AKAP19: variants seen among roughly 807,000 people sequenced by gnomAD.
AKAP19 encodes the protein small A-kinase anchoring protein.
the AKAP19 span, chr2:190,057,304 T>A: frequency 1.2e-6 from 2 of 1,613,334 alleles, no homozygotes; most frequent in African/African-American, 2.7e-5. Context: ...AATTTTCCCA[T>A]ATATTATTTG....
the AKAP19 span, among the ~76,000 whole-genome samples, chr2:190,012,909 AT>A: frequency 1.3e-5 from 2 of 152,290 alleles, 1 homozygote; most frequent in South Asian, 4.2e-4. Context: ...GATGTGTTAC[AT>A]TTGTAGATTT....
the AKAP19 span, among the ~76,000 whole-genome samples, chr2:189,949,609 A>C: frequency 1.3e-5 from 2 of 149,144 alleles, no homozygotes; most frequent in African/African-American, 4.9e-5. Flanking sequence ...TAAACCCAAT[A>C]GTTGTTACCT....
the AKAP19 span, among the ~76,000 whole-genome samples, chr2:189,933,528 T>C: frequency 6.6e-6 from 1 of 152,172 alleles, no homozygotes; most frequent in African/African-American, 2.4e-5. Context: ...TATCAAAGCC[T>C]TTCCAAATTG....
chr2:189,930,514 T>TA, the AKAP19 span: 1 of 208,676 alleles, frequency 4.8e-6, no homozygotes, highest in African/African-American at 2.4e-5. Context: ...CCGTCTCTAC[T>TA]AAAAATACAA....
chr2:190,180,457 A>C, the AKAP19 span: 4 of 985,406 alleles, frequency 4.1e-6, no homozygotes, highest in African/African-American at 7.0e-5. The surrounding 1 kb of genome is among the most constrained non-coding windows in gnomAD (Gnocchi z 6.8). Flanking sequence ...GGGCAGGGCC[A>C]GCGAAATGCC....
At chr2:189,978,392 G>C in the AKAP19 span, among the ~76,000 whole-genome samples, 1 of 152,030 alleles carries the variant, frequency 6.6e-6, no homozygotes, top group Admixed American at 6.6e-5. Flanking sequence ...AGGCTGAGGC[G>C]GGCAGATCAC....
chr2:189,987,163 TG>T, the AKAP19 span, among the ~76,000 whole-genome samples: 1 of 152,144 alleles, frequency 6.6e-6, no homozygotes, highest in Admixed American at 6.6e-5. Context: ...AATTGAATCA[TG>T]GGGGCCGGTC....
At chr2:189,996,244 T>G in the AKAP19 span, among the ~76,000 whole-genome samples, 1 of 152,224 alleles carries the variant, frequency 6.6e-6, no homozygotes, top group Non-Finnish European at 1.5e-5. Context: ...TTCTTAGATG[T>G]GGCTGTCTAA....
chr2:189,941,623 A>T, the AKAP19 span, among the ~76,000 whole-genome samples: 1 of 152,256 alleles, frequency 6.6e-6, no homozygotes, highest in African/African-American at 2.4e-5. Flanking sequence ...TATCTATAAG[A>T]TGTTTTTTGT....
chr2:190,121,957 A>T, the AKAP19 span, among the ~76,000 whole-genome samples: 31 of 152,176 alleles, frequency 2.0e-4, no homozygotes, highest in Non-Finnish European at 2.9e-5. Context: ...AACTTCTTTG[A>T]GGGGGAATTT....
chr2:189,901,526 C>T, the AKAP19 span, among the ~76,000 whole-genome samples: 6 of 151,972 alleles, frequency 3.9e-5, no homozygotes, highest in Admixed American at 6.6e-5. Context: ...TTAGTAAAGA[C>T]GGGGTTTCAT....
At chr2:190,111,742 G>A in the AKAP19 span, among the ~76,000 whole-genome samples, 2 of 152,070 alleles carry the variant, frequency 1.3e-5, no homozygotes, top group South Asian at 2.1e-4. Context: ...GGGGTTGGGG[G>A]GGAAAGAAGC....
the AKAP19 span, among the ~76,000 whole-genome samples, chr2:189,974,375 T>G: frequency 6.6e-6 from 1 of 152,236 alleles, no homozygotes; most frequent in Non-Finnish European, 1.5e-5. Context: ...CTTTTACATT[T>G]GCTGAGGAGT....
the AKAP19 span, among the ~76,000 whole-genome samples, chr2:190,009,553 G>A: frequency 2.6e-5 from 4 of 152,326 alleles, no homozygotes; most frequent in South Asian, 2.1e-4. Context: ...CTGCAGTGGA[G>A]CAGCTTTGGA....
the AKAP19 span, among the ~76,000 whole-genome samples, chr2:189,911,139 G>A: frequency 6.6e-6 from 1 of 152,076 alleles, no homozygotes; most frequent in Non-Finnish European, 1.5e-5. Flanking sequence ...ACTACTTAGT[G>A]TCTTTAGAAT....
At chr2:189,998,771 C>CTTTTTTTTTTTTTTTT in the AKAP19 span, among the ~76,000 whole-genome samples, 26 of 97,542 alleles carry the variant, frequency 2.7e-4, no homozygotes, top group Admixed American at 4.1e-4. Context: ...TTCTTTCTTT[C>CTTTTTTTTTTTTTTTT]TTTTTTTTTT....
At chr2:190,097,082 A>T in the AKAP19 span, among the ~76,000 whole-genome samples, 18 of 152,178 alleles carry the variant, frequency 1.2e-4, no homozygotes, top group African/African-American at 4.3e-4. Context: ...TTCAAATTTT[A>T]AGTTCAGGTG....
the AKAP19 span, among the ~76,000 whole-genome samples, chr2:189,971,469 C>T: frequency 9.2e-5 from 14 of 151,998 alleles, no homozygotes; most frequent in African/African-American, 2.4e-4. Flanking sequence ...TTTATAGCAG[C>T]GTGATTTATA....
At chr2:189,919,434 A>G in the AKAP19 span, among the ~76,000 whole-genome samples, 4 of 151,820 alleles carry the variant, frequency 2.6e-5, no homozygotes, top group Non-Finnish European at 5.9e-5. Flanking sequence ...TTTATTCTAA[A>G]AAAAAAAACA....
Sources: allele counts gnomAD v4.1 joint callset (sites outside exome capture counted in the v4.1 genomes callset), GRCh38; gene constraint gnomAD v4.1.1; non-coding constraint Gnocchi (gnomAD v3.1); transcripts MANE v1.5; gene names NCBI Gene and HGNC (gene_info 2026-07-23, HGNC 2026-07-21).